FAM107B: variants seen among roughly 807,000 people sequenced by gnomAD.
FAM107B encodes protein FAM107B.
FAM107B carries 21 observed loss-of-function variants against 31.5 expected under a neutral mutation model. The observed-to-expected ratio is 0.67, with a 90% CI of 0.47 to 0.96. FAM107B has a LOEUF of 0.96. FAM107B is among the 40% of genes least tolerant of loss of function. FAM107B has a pLI of 0.00. For missense variants in FAM107B, 452 were observed against 377.1 expected, an observed-to-expected ratio of 1.20 and a Z score of -1.64; for synonymous variants, 157 against 141.5, an observed-to-expected ratio of 1.11 and a Z score of -0.78.
intron 2 of FAM107B, among the ~76,000 whole-genome samples, chr10:14,538,892 T>C (rs571477289): frequency 4.3e-4 from 65 of 152,336 alleles, no homozygotes; most frequent in African/African-American, 1.4e-3. Context: ...TCATCAATTA[T>C]TGATTTTATA....
rs989793727 is a variant in FAM107B at position 14,629,814 on chromosome 10, T to C, written c.469+37820A>G. 3.3e-5 allele frequency among the ~76,000 whole-genome samples: 5 copies of C among 151,670 alleles called. No individual in the cohort carries two copies. In the East Asian group the frequency reaches 7.7e-4, roughly 23 times the overall value. The stretch of plus-strand genomic sequence containing the variant: ...AGCGTGAGCCACCACGCCTGGCCCA[T>C]AAAAATAATTTTTAAAATTTATTGT... On this transcript the variant is annotated intron_variant, in intron 2 of 4. Coordinates refer to ENST00000181796, the MANE Select transcript of FAM107B (RefSeq NM_031453.4).
intron 2 of FAM107B, among the ~76,000 whole-genome samples, chr10:14,540,519 C>G (rs1239572193): frequency 6.6e-6 from 1 of 152,182 alleles, no homozygotes; most frequent in Non-Finnish European, 1.5e-5. Flanking sequence ...GCGAAGGCAG[C>G]CCCTGGACCA....
intron 2 of FAM107B, among the ~76,000 whole-genome samples, chr10:14,547,819 T>C (rs915708843): frequency 2.6e-5 from 4 of 152,242 alleles, no homozygotes; most frequent in African/African-American, 9.6e-5. Flanking sequence ...AAATGTTCCA[T>C]AATTAAAAGA....
chr10:14,635,126 AAAGG>A (rs1321593575), intron 2 of FAM107B, among the ~76,000 whole-genome samples: 3 of 144,112 alleles, frequency 2.1e-5, no homozygotes, highest in East Asian at 4.2e-4. Flanking sequence ...AGGAAAGAAG[AAAGG>A]AAGGAAGGGA....
intron 2 of FAM107B, among the ~76,000 whole-genome samples, chr10:14,664,568 A>T (rs1029199593): frequency 2.0e-5 from 3 of 152,332 alleles, no homozygotes; most frequent in African/African-American, 7.2e-5. Flanking sequence ...AACATGCCAT[A>T]CAGGTTTGTA....
intron 1 of FAM107B, among the ~76,000 whole-genome samples, chr10:14,716,106 C>T (rs935876245): frequency 1.3e-5 from 2 of 152,182 alleles, no homozygotes; most frequent in African/African-American, 4.8e-5. Flanking sequence ...GTTTTCCATC[C>T]ACCCTTCCAT....
At chr10:14,636,310 T>TGA (rs1313026554) in intron 2 of FAM107B, among the ~76,000 whole-genome samples, 2 of 149,000 alleles carry the variant, frequency 1.3e-5, no homozygotes, top group South Asian at 2.1e-4. Context: ...CAGGATCATG[T>TGA]GAGAGAGAGA....
chr10:14,619,531 T>C (rs774103445), intron 2 of FAM107B, among the ~76,000 whole-genome samples: 2 of 152,220 alleles, frequency 1.3e-5, no homozygotes, highest in African/African-American at 2.4e-5. Flanking sequence ...TGGTTGTGTG[T>C]ATTTTCTTAA....
rs77664854 is a variant in FAM107B at position 14,733,543 on chromosome 10, T to G, written c.411+40710A>C. Among the ~76,000 whole-genome samples the G allele has an allele frequency of 8.6e-3, 1,307 of 152,286 alleles. 75 individuals carry two copies. In the East Asian group the frequency reaches 0.16, roughly 19 times the overall value. Reference sequence around the variant, plus strand: ...CTGTCTCAACCAGGAAATTATACTGTCAAATGATATATCATGGGGCTTTTA... The same window carrying G: ...CTGTCTCAACCAGGAAATTATACTGGCAAATGATATATCATGGGGCTTTTA... On this transcript the variant is annotated intron_variant, in intron 1 of 4. Coordinates refer to ENST00000181796, the MANE Select transcript of FAM107B (RefSeq NM_031453.4).
intron 2 of FAM107B, among the ~76,000 whole-genome samples, chr10:14,552,688 T>G (rs1456900772): frequency 6.6e-6 from 1 of 151,934 alleles, no homozygotes; most frequent in Non-Finnish European, 1.5e-5. Flanking sequence ...AATACAAAAA[T>G]TAGCCAGGCA....
intron 1 of FAM107B, among the ~76,000 whole-genome samples, chr10:14,706,255 T>G (rs936324183): frequency 6.6e-6 from 1 of 152,180 alleles, no homozygotes; most frequent in Non-Finnish European, 1.5e-5. Flanking sequence ...GTCACCCAGG[T>G]GGGAGTACCG....
intron 1 of FAM107B, among the ~76,000 whole-genome samples, chr10:14,756,455 A>G (rs1832932779): frequency 1.3e-5 from 2 of 152,196 alleles, no homozygotes; most frequent in African/African-American, 2.4e-5. Context: ...CAATCATTCA[A>G]TGGCTTTAAG....
intron 2 of FAM107B, among the ~76,000 whole-genome samples, chr10:14,648,810 G>A (rs1853830271): frequency 6.6e-6 from 1 of 152,176 alleles, no homozygotes; most frequent in South Asian, 2.1e-4. Flanking sequence ...TTTAATTCAA[G>A]TTCTTCATTC....
At chr10:14,634,331 C>G (rs1853442892) in intron 2 of FAM107B, among the ~76,000 whole-genome samples, 1 of 150,672 alleles carries the variant, frequency 6.6e-6, no homozygotes, top group African/African-American at 2.4e-5. Flanking sequence ...ACCCAGGAGG[C>G]TGGGGTTGCA....
chr10:14,684,827 C>CTT (rs55845510), intron 1 of FAM107B, among the ~76,000 whole-genome samples: 12,159 of 147,558 alleles, frequency 0.082, 566 homozygotes, highest in East Asian at 0.25. Flanking sequence ...TTTTGTTTTT[C>CTT]TTTTTTTTTT....
chr10:14,565,412 A>G (rs1850580455), intron 2 of FAM107B, among the ~76,000 whole-genome samples: 1 of 152,182 alleles, frequency 6.6e-6, no homozygotes, highest in African/African-American at 2.4e-5. Context: ...GAGCCAGAAG[A>G]AAGATGGGAC....
At chr10:14,538,790 T>C (rs1302473666) in intron 2 of FAM107B, among the ~76,000 whole-genome samples, 2 of 152,210 alleles carry the variant, frequency 1.3e-5, no homozygotes, top group Non-Finnish European at 2.9e-5. Flanking sequence ...TGTCATTTCA[T>C]CCATAGTCCA....
Position 14,678,608 on chromosome 10 carries a change from T to TTCCTC in FAM107B, c.412-10922_412-10918dup, listed in dbSNP as rs148296816. The stretch of plus-strand genomic sequence containing the variant: ...AAAAATCCTAACGCTAACAAATAGC[T>TTCCTC]TCCTCTCCTCTCCTCTCCTCTCTCT... On this transcript the variant is annotated intron_variant, in intron 1 of 4. Transcript: ENST00000181796. 7.8e-3 allele frequency among the ~76,000 whole-genome samples: 469 copies of TTCCTC among 60,154 alleles called. 2 individuals carry two copies. Among genetic ancestry groups the TTCCTC allele is most frequent in the African/African-American group, 0.019 (442 of 22,758 alleles). The allele number at this position is 60,154 out of a possible 152,430, so 39.5% of individuals were successfully genotyped here.
At chr10:14,649,028 A>G (rs1025511164) in intron 2 of FAM107B, among the ~76,000 whole-genome samples, 10 of 152,244 alleles carry the variant, frequency 6.6e-5, no homozygotes, top group Non-Finnish European at 1.5e-5. Context: ...TAAAATTCTA[A>G]GCCCCACAAC....
Sources: gnomAD v4.1 joint callset for allele counts (sites outside exome capture counted in the v4.1 genomes callset) on GRCh38, gnomAD v4.1.1 for gene constraint, MANE v1.5 for transcripts, NCBI Gene and HGNC (gene_info 2026-07-23, HGNC 2026-07-21) for gene names.